Variants in MAD1L1 observed in about 807,000 individuals in gnomAD.
MAD1L1 encodes mitotic spindle assembly checkpoint protein MAD1.
A neutral mutation model predicts 96.9 loss-of-function variants in MAD1L1; 95 were observed. That is an observed-to-expected ratio of 0.98 (90% CI 0.83 to 1.16). MAD1L1 has a LOEUF of 1.16. Ranked by LOEUF, MAD1L1 falls within the 50% of genes most tolerant of loss-of-function variation. The pLI, the probability that MAD1L1 is intolerant of heterozygous loss-of-function variation, is 0.00. For missense variants in MAD1L1, 1,007 were observed against 954.4 expected (o/e 1.06, Z -0.73); for synonymous variants, 473 against 396.6 (o/e 1.19, Z -2.29).
At chr7:2,184,812 G>T (rs1791381672) in intron 10 of MAD1L1, among the ~76,000 whole-genome samples, 2 of 152,118 alleles carry the variant, frequency 1.3e-5, no homozygotes, top group South Asian at 4.2e-4. Context: ...GACCAGCCTG[G>T]CCAACATGGT....
chr7:2,043,773 AG>A (rs1170953488), intron 12 of MAD1L1, among the ~76,000 whole-genome samples: 1 of 152,224 alleles, frequency 6.6e-6, no homozygotes, highest in African/African-American at 2.4e-5. Flanking sequence ...GGGAGCCCTG[AG>A]GCAGGGGCCT....
chr7:1,854,471 C>A (rs1784143473), intron 18 of MAD1L1: 2 of 427,584 alleles, frequency 4.7e-6, no homozygotes, highest in South Asian at 1.7e-5. Flanking sequence ...AAGGCACAGG[C>A]AGACTTGGTG....
intron 18 of MAD1L1, among the ~76,000 whole-genome samples, chr7:1,861,270 C>T (rs1196744131): frequency 6.6e-6 from 1 of 152,172 alleles, no homozygotes; most frequent in Admixed American, 6.5e-5. Context: ...CGGGCTGGTC[C>T]CCCTCTAGGC....
At chr7:2,203,241 A>G (rs1326830678) in intron 10 of MAD1L1, among the ~76,000 whole-genome samples, 1 of 151,904 alleles carries the variant, frequency 6.6e-6, no homozygotes, top group Non-Finnish European at 1.5e-5. Context: ...CTTGACACCC[A>G]CTCCCTTCCT....
intron 11 of MAD1L1, among the ~76,000 whole-genome samples, chr7:2,131,074 T>C (rs561867543): frequency 2.6e-5 from 4 of 152,316 alleles, no homozygotes; most frequent in African/African-American, 9.6e-5. Context: ...GAATAAGCTC[T>C]CTTTAAACTA....
rs977438574 is a variant in MAD1L1, at chr7:1,995,875, C to G, written c.1416+6190G>C. On this transcript the variant is annotated intron_variant, in intron 14 of 18. Coordinates refer to ENST00000265854, the MANE Select transcript of MAD1L1 (RefSeq NM_001013836.2). ...CGAAGCACTCCAGTCAGAAGTAGCACTTCGTCGTGGAGCAGGATGGGTCCG... is the reference window on the plus strand; with the variant it reads ...CGAAGCACTCCAGTCAGAAGTAGCAGTTCGTCGTGGAGCAGGATGGGTCCG... 1.3e-4 allele frequency among the ~76,000 whole-genome samples: 20 copies of G among 152,308 alleles called. No individual in the cohort carries two copies. The East Asian group carries it at 3.9e-3, about 29-fold the overall frequency.
intron 18 of MAD1L1, among the ~76,000 whole-genome samples, chr7:1,876,314 C>T (rs907449226): frequency 3.3e-5 from 5 of 152,060 alleles, no homozygotes; most frequent in Admixed American, 6.5e-5. Flanking sequence ...CCCAAGGTCC[C>T]GAGCCCCCCG....
intron 10 of MAD1L1, among the ~76,000 whole-genome samples, chr7:2,208,054 T>C (rs1325860348): frequency 1.3e-5 from 2 of 152,194 alleles, no homozygotes; most frequent in African/African-American, 4.8e-5. Flanking sequence ...GAGTTCATTT[T>C]TCCTCTTACA....
chr7:1,998,608 C>A (rs1022971295), intron 14 of MAD1L1, among the ~76,000 whole-genome samples: 6 of 152,198 alleles, frequency 3.9e-5, no homozygotes, highest in African/African-American at 1.4e-4. Flanking sequence ...CCAGGCTGTT[C>A]CAGAGGCAAC....
chr7:2,228,764 A>G (rs1385062827), intron 3 of MAD1L1, among the ~76,000 whole-genome samples: 1 of 150,566 alleles, frequency 6.6e-6, no homozygotes, highest in Non-Finnish European at 1.5e-5. Flanking sequence ...TTTTTGAGAC[A>G]GGGTCTCACT....
intron 10 of MAD1L1, among the ~76,000 whole-genome samples, chr7:2,206,052 A>G (rs1792581584): frequency 6.6e-6 from 1 of 152,198 alleles, no homozygotes; most frequent in Non-Finnish European, 1.5e-5. Context: ...GGATTGCTTG[A>G]ACCTGGGAGG....
chr7:2,136,192 G>C (rs553351161), intron 11 of MAD1L1, among the ~76,000 whole-genome samples: 2 of 152,332 alleles, frequency 1.3e-5, no homozygotes, highest in South Asian at 2.1e-4. Flanking sequence ...ATTAAAAAAG[G>C]GTCAGCATTA....
chr7:1,822,702 G>C, intron 18 of MAD1L1, among the ~76,000 whole-genome samples: 1 of 151,248 alleles, frequency 6.6e-6, no homozygotes, highest in African/African-American at 2.4e-5. Flanking sequence ...GGGATTACAG[G>C]CGTGAGCCAC....
At chr7:2,152,375 A>AG (rs1459417708) in intron 10 of MAD1L1, among the ~76,000 whole-genome samples, 6 of 152,258 alleles carry the variant, frequency 3.9e-5, no homozygotes, top group Admixed American at 3.9e-4. Context: ...TGGAGGGCAC[A>AG]GGGGCACCAG....
chr7:2,209,709 C>T (rs1459256103), intron 10 of MAD1L1, among the ~76,000 whole-genome samples: 1 of 152,190 alleles, frequency 6.6e-6, no homozygotes, highest in Non-Finnish European at 1.5e-5. Context: ...TCGGCAAGCC[C>T]CAAATCCCAG....
chr7:1,869,567 G>A (rs1313196703), intron 18 of MAD1L1, among the ~76,000 whole-genome samples: 3 of 152,080 alleles, frequency 2.0e-5, no homozygotes, highest in South Asian at 2.1e-4. Flanking sequence ...ACAGGGACCC[G>A]GGAAAAAACA....
intron 18 of MAD1L1, among the ~76,000 whole-genome samples, chr7:1,835,478 A>T (rs1217828906): frequency 1.3e-5 from 2 of 152,242 alleles, no homozygotes; most frequent in Non-Finnish European, 2.9e-5. Flanking sequence ...GCAAAATAAA[A>T]AGATCAATAT....
At chr7:1,939,925 C>T (rs1778864715) in intron 16 of MAD1L1, among the ~76,000 whole-genome samples, 1 of 152,230 alleles carries the variant, frequency 6.6e-6, no homozygotes, top group African/African-American at 2.4e-5. Flanking sequence ...GAATGTGCCT[C>T]CAACAGGGAG....
At position 2,146,334 on chromosome 7, in the gene MAD1L1, C is replaced by T. The variant is rs544516779; in HGVS notation, c.1073+2818G>A. On this transcript the variant is annotated intron_variant, in intron 11 of 18. Transcript: ENST00000265854. This position sits in a 1 kb window ranked among gnomAD's most constrained non-coding sequence, Gnocchi z 6.2. ...TGGGCTACGAGGAACAGGGCACCGC[C>T]TCGAAGAGGGAGCACCGGGCACTGG... 1.3e-3 allele frequency among the ~76,000 whole-genome samples: 189 copies of T among 150,176 alleles called. No individual in the cohort carries two copies. The highest frequency in any genetic ancestry group is 2.3e-3 in the Admixed American group (35 of 15,188).
Sources: gnomAD v4.1 joint callset for allele counts (sites outside exome capture counted in the v4.1 genomes callset) on GRCh38, gnomAD v4.1.1 for gene constraint, Gnocchi (gnomAD v3.1) non-coding constraint, MANE v1.5 for transcripts, NCBI Gene and HGNC (gene_info 2026-07-23, HGNC 2026-07-21) for gene names.